TBL1XR1: variants seen among roughly 807,000 people sequenced by gnomAD.
The protein encoded by TBL1XR1 is F-box-like/WD repeat-containing protein TBL1XR1.
TBL1XR1 carries 5 observed loss-of-function variants against 66.9 expected under a neutral mutation model. That is an observed-to-expected ratio of 0.07 (90% CI 0.04 to 0.16). The LOEUF is 0.16. Ranked by LOEUF, TBL1XR1 falls within the 10% of genes least tolerant of loss-of-function variation. The probability of loss-of-function intolerance (pLI) is 1.00; values close to 1 mark genes in which losing one functional copy is unlikely to be tolerated. For missense variants in TBL1XR1, 238 were observed against 623.2 expected, an observed-to-expected ratio of 0.38 and a Z score of 6.58; for synonymous variants, 210 against 206.0, an observed-to-expected ratio of 1.02 and a Z score of -0.17.
At chr3:177,124,634 A>G (rs1727390049) in intron 1 of TBL1XR1, among the ~76,000 whole-genome samples, 1 of 152,092 alleles carries the variant, frequency 6.6e-6, no homozygotes, top group South Asian at 2.1e-4. Context: ...TGACCTATCA[A>G]TTTCAAAAAC....
intron 3 of TBL1XR1, among the ~76,000 whole-genome samples, chr3:177,054,276 T>G (rs1717524537): frequency 6.9e-6 from 1 of 145,764 alleles, no homozygotes; most frequent in Non-Finnish European, 1.5e-5. Context: ...TTAAATTGCT[T>G]CATTTAAATC....
At chr3:177,027,646 T>C (rs928549257) in intron 14 of TBL1XR1, 2 of 152,136 alleles carry the variant, frequency 1.3e-5, no homozygotes, top group African/African-American at 4.8e-5. Flanking sequence ...ACCATGCACC[T>C]TGAAAATACC....
At chr3:177,071,805 T>C (rs1720051838) in intron 2 of TBL1XR1, among the ~76,000 whole-genome samples, 1 of 152,144 alleles carries the variant, frequency 6.6e-6, no homozygotes, top group South Asian at 2.1e-4. Context: ...CTGACATAAA[T>C]TGGAGAAGGC....
chr3:177,146,340 G>A (rs1730238510), intron 1 of TBL1XR1, among the ~76,000 whole-genome samples: 1 of 151,846 alleles, frequency 6.6e-6, no homozygotes, highest in African/African-American at 2.4e-5. Flanking sequence ...ACGCTGGAGT[G>A]CAATGGCGTG....
At chr3:177,093,483 C>A (rs2108650328) in intron 2 of TBL1XR1, among the ~76,000 whole-genome samples, 1 of 152,160 alleles carries the variant, frequency 6.6e-6, no homozygotes, top group East Asian at 1.9e-4. Flanking sequence ...TCCTAAATTT[C>A]TATGGTATCA....
intron 1 of TBL1XR1, among the ~76,000 whole-genome samples, chr3:177,127,031 T>C (rs1727719769): frequency 1.3e-5 from 2 of 152,210 alleles, no homozygotes. Context: ...TCTCATAAAA[T>C]GCGTTCAACA....
intron 1 of TBL1XR1, among the ~76,000 whole-genome samples, chr3:177,110,397 G>A (rs1228022227): frequency 6.6e-6 from 1 of 152,120 alleles, no homozygotes; most frequent in Non-Finnish European, 1.5e-5. Context: ...TGTATCTAGG[G>A]CTATACACCC....
chr3:177,071,099 C>T (rs867947048), intron 2 of TBL1XR1, among the ~76,000 whole-genome samples: 6 of 135,724 alleles, frequency 4.4e-5, no homozygotes, highest in East Asian at 2.5e-4. Flanking sequence ...GGTGCGATCT[C>T]GGCTCACTGC....
chr3:177,153,573 C>T (rs1432211808), intron 1 of TBL1XR1, among the ~76,000 whole-genome samples: 1 of 152,124 alleles, frequency 6.6e-6, no homozygotes, highest in Non-Finnish European at 1.5e-5. Context: ...AATAATTTTA[C>T]TTGAACATAG....
At chr3:177,064,334 C>G (rs1271901698) in intron 3 of TBL1XR1, among the ~76,000 whole-genome samples, 3 of 152,124 alleles carry the variant, frequency 2.0e-5, no homozygotes, top group African/African-American at 7.2e-5. Flanking sequence ...TTTGCTTAAT[C>G]CATCCACATT....
intron 1 of TBL1XR1, among the ~76,000 whole-genome samples, chr3:177,191,031 TAAG>T (rs1736080341): frequency 6.6e-6 from 1 of 152,124 alleles, no homozygotes; most frequent in East Asian, 1.9e-4. Flanking sequence ...AACTAGGCTA[TAAG>T]AAGGACAAAG....
At chr3:177,084,745 G>A (rs1329010549) in intron 2 of TBL1XR1, among the ~76,000 whole-genome samples, 1 of 152,156 alleles carries the variant, frequency 6.6e-6, no homozygotes, top group Non-Finnish European at 1.5e-5. Context: ...CTCTGCCAAC[G>A]GGAACCTGTC....
chr3:177,120,680 CTT>C (rs1056835537), intron 1 of TBL1XR1: 1 of 152,100 alleles, frequency 6.6e-6, no homozygotes, highest in African/African-American at 2.4e-5. Flanking sequence ...CCCAAATTTA[CTT>C]TTTTTATTTT....
chr3:177,067,494 A>G (rs1719320264), intron 2 of TBL1XR1, among the ~76,000 whole-genome samples: 1 of 152,160 alleles, frequency 6.6e-6, no homozygotes, highest in African/African-American at 2.4e-5. Flanking sequence ...TTCCAGCACC[A>G]CCTAATGCAT....
chr3:177,078,329 C>T (rs1482752689), intron 2 of TBL1XR1, among the ~76,000 whole-genome samples: 2 of 152,116 alleles, frequency 1.3e-5, no homozygotes, highest in East Asian at 3.9e-4. Flanking sequence ...GCATGGTTCA[C>T]ACTTGTCATT....
chr3:177,153,629 C>T (rs909326545), intron 1 of TBL1XR1, among the ~76,000 whole-genome samples: 5 of 152,052 alleles, frequency 3.3e-5, no homozygotes, highest in South Asian at 4.2e-4. Context: ...GGCTCACGAC[C>T]GTAATCCCAG....
intron 10 of TBL1XR1, among the ~76,000 whole-genome samples, chr3:177,039,447 C>G (rs1334516411): frequency 3.9e-5 from 6 of 152,176 alleles, no homozygotes; most frequent in East Asian, 1.9e-4. Context: ...TAATTTTCTT[C>G]TAAGCAACTT....
At chr3:177,133,221 A>T (rs1194409653) in intron 1 of TBL1XR1, among the ~76,000 whole-genome samples, 2 of 152,200 alleles carry the variant, frequency 1.3e-5, no homozygotes, top group Non-Finnish European at 2.9e-5. Flanking sequence ...TGGGAGGCAG[A>T]GGCTGCAGTG....
At chr3:177,085,993 T>C (rs1385543740) in intron 2 of TBL1XR1, among the ~76,000 whole-genome samples, 1 of 152,060 alleles carries the variant, frequency 6.6e-6, no homozygotes, top group African/African-American at 2.4e-5. Context: ...TAAACATTAG[T>C]TCTTCATTTG....
Sources: gnomAD v4.1 joint callset for allele counts (sites outside exome capture counted in the v4.1 genomes callset) on GRCh38, gnomAD v4.1.1 for gene constraint, MANE v1.5 for transcripts, NCBI Gene and HGNC (gene_info 2026-07-23, HGNC 2026-07-21) for gene names.